TCF7L2: variants seen among roughly 807,000 people sequenced by gnomAD.
TCF7L2 encodes transcription factor 7-like 2.
Under a neutral mutation model 77.9 loss-of-function variants are expected in TCF7L2, and 23 were observed. That is an observed-to-expected ratio of 0.30 (90% CI 0.21 to 0.42). The LOEUF (loss-of-function observed/expected upper bound fraction) is 0.42, where lower values mean the gene tolerates loss of function less well. Ranked by LOEUF, TCF7L2 falls within the 10% of genes least tolerant of loss-of-function variation. The pLI is 1.00. For missense variants in TCF7L2, 654 were observed against 793.1 expected (o/e 0.82, Z 2.11); for synonymous variants, 413 against 340.2 (o/e 1.21, Z -2.36).
chr10:113,021,139 G>A (rs980460524), intron 4 of TCF7L2, among the ~76,000 whole-genome samples: 7 of 152,304 alleles, frequency 4.6e-5, no homozygotes, highest in Non-Finnish European at 1.0e-4. Flanking sequence ...GGCACAGTGA[G>A]ACAAACATGT....
At chr10:112,969,405 G>A (rs1307299677) in intron 4 of TCF7L2, among the ~76,000 whole-genome samples, 1 of 152,180 alleles carries the variant, frequency 6.6e-6, no homozygotes, top group Non-Finnish European at 1.5e-5. Flanking sequence ...TATTTGGAGT[G>A]CTTCCAGTTT....
intron 5 of TCF7L2, among the ~76,000 whole-genome samples, chr10:113,065,179 G>T (rs538456021): frequency 1.3e-5 from 2 of 152,352 alleles, no homozygotes; most frequent in East Asian, 3.9e-4. Flanking sequence ...ACCCAGTGCA[G>T]GCAAGGTGTT....
chr10:113,071,531 T>TC lies in TCF7L2; in HGVS notation c.552+31411dup, dbSNP rs138936796. Among the ~76,000 whole-genome samples the TC allele has an allele frequency of 3.9e-5, 6 of 151,938 alleles. No homozygotes were observed. In the South Asian group the frequency reaches 1.0e-3, roughly 26 times the overall value. ...TTTTCTCGTCTTTATTCTCACCCCG[T>TC]CCCCCCGCCACCTCTCTCCCCAAGT... On this transcript the variant is annotated intron_variant, in intron 5 of 13. Coordinates refer to ENST00000627217, the MANE Select transcript of TCF7L2 (RefSeq NM_001146274.2).
chr10:113,155,745 C>CT (rs1007212054), intron 11 of TCF7L2, among the ~76,000 whole-genome samples: 42 of 152,324 alleles, frequency 2.8e-4, no homozygotes, highest in African/African-American at 1.0e-3. Context: ...CTTCAGGCTC[C>CT]TAAATGAACC....
intron 5 of TCF7L2, among the ~76,000 whole-genome samples, chr10:113,076,295 G>T (rs967303949): frequency 6.6e-6 from 1 of 152,078 alleles, no homozygotes; most frequent in African/African-American, 2.4e-5. Flanking sequence ...GAATTACCAT[G>T]CCTGGCTAAC....
At chr10:113,028,523 A>G (rs1198149280) in intron 4 of TCF7L2, among the ~76,000 whole-genome samples, 1 of 152,106 alleles carries the variant, frequency 6.6e-6, no homozygotes, top group Non-Finnish European at 1.5e-5. Context: ...AGAGCCACTG[A>G]CCTCTTTCCA....
intron 5 of TCF7L2, among the ~76,000 whole-genome samples, chr10:113,091,226 A>T (rs555137352): frequency 3.9e-5 from 6 of 152,294 alleles, no homozygotes; most frequent in Non-Finnish European, 2.9e-5. Context: ...ATTTGGATAC[A>T]TTTCCACATT....
Position 112,951,464 on chromosome 10 carries a change from C to G in TCF7L2, c.257-19C>G, listed in dbSNP as rs367683520. Reference sequence around the variant, plus strand: ...CTCCGCGCGGCCGCCGCTGTCCCCTCGCCGCCCCGCCATGTTAGCGGCCAA... The same window carrying G: ...CTCCGCGCGGCCGCCGCTGTCCCCTGGCCGCCCCGCCATGTTAGCGGCCAA... On this transcript the variant is annotated intron_variant, in intron 2 of 13. Coordinates refer to ENST00000627217, the MANE Select transcript of TCF7L2 (RefSeq NM_001146274.2). 3.5e-6 allele frequency: 5 copies of G among 1,409,278 alleles called. No homozygotes were observed. In the African/African-American group the frequency reaches 6.1e-5, roughly 17 times the overall value. 87.3% of individuals were successfully genotyped at this position (1,409,278 alleles called of 1,614,324 possible). A position where few individuals can be genotyped will look rare whatever the true frequency, so the allele number is the denominator to read the frequency against.
chr10:113,064,731 C>T (rs758337971), intron 5 of TCF7L2, among the ~76,000 whole-genome samples: 2 of 152,198 alleles, frequency 1.3e-5, no homozygotes, highest in African/African-American at 2.4e-5. Context: ...AAAACTACCA[C>T]GGATGCTTCA....
At chr10:112,965,657 G>A (rs1256277608) in intron 4 of TCF7L2, among the ~76,000 whole-genome samples, 2 of 151,552 alleles carry the variant, frequency 1.3e-5, no homozygotes, top group African/African-American at 4.8e-5. Flanking sequence ...GTGTGTGTGT[G>A]TGTGTGTGTG....
intron 4 of TCF7L2, among the ~76,000 whole-genome samples, chr10:112,997,630 A>G (rs2043718549): frequency 6.6e-6 from 1 of 152,184 alleles, no homozygotes; most frequent in African/African-American, 2.4e-5. Flanking sequence ...GTGACCAGGG[A>G]CCTGAGGGGC....
chr10:113,112,197 A>G (rs1002831513), intron 5 of TCF7L2, among the ~76,000 whole-genome samples: 4 of 152,204 alleles, frequency 2.6e-5, no homozygotes, highest in Non-Finnish European at 5.9e-5. Context: ...GGCATGACAT[A>G]ATTCAATTTT....
intron 4 of TCF7L2, among the ~76,000 whole-genome samples, chr10:112,980,738 C>G (rs995600450): frequency 2.6e-5 from 4 of 152,112 alleles, no homozygotes; most frequent in African/African-American, 9.7e-5. Context: ...TGCCGTTCTC[C>G]TACCTCAGCC....
At chr10:112,993,420 C>T (rs1040041490) in intron 4 of TCF7L2, among the ~76,000 whole-genome samples, 1 of 151,866 alleles carries the variant, frequency 6.6e-6, no homozygotes, top group Non-Finnish European at 1.5e-5. Context: ...GCATGAGAAT[C>T]ACTGGAACCC....
intron 4 of TCF7L2, among the ~76,000 whole-genome samples, chr10:112,973,528 C>G (rs1044869349): frequency 6.6e-6 from 1 of 152,146 alleles, no homozygotes; most frequent in African/African-American, 2.4e-5. Context: ...CTGGATGATT[C>G]TAATGCACAC....
chr10:113,145,682 C>T (rs138407660), intron 7 of TCF7L2, among the ~76,000 whole-genome samples: 1 of 151,936 alleles, frequency 6.6e-6, no homozygotes, highest in Admixed American at 6.6e-5. Flanking sequence ...GATGTGTAGC[C>T]CTCAATTAGT....
At chr10:113,050,461 C>T (rs987744017) in intron 5 of TCF7L2, among the ~76,000 whole-genome samples, 2 of 152,128 alleles carry the variant, frequency 1.3e-5, no homozygotes, top group African/African-American at 4.8e-5. Context: ...CAAGAACACA[C>T]TAAGAGAAGT....
intron 5 of TCF7L2, among the ~76,000 whole-genome samples, chr10:113,118,104 G>A (rs750253235): frequency 1.8e-4 from 28 of 152,188 alleles, no homozygotes; most frequent in Non-Finnish European, 4.0e-4. Context: ...CAGCCCAGCA[G>A]ACGGGGTCGA....
chr10:112,984,797 G>A (rs903200793), intron 4 of TCF7L2, among the ~76,000 whole-genome samples: 4 of 152,192 alleles, frequency 2.6e-5, no homozygotes, highest in Admixed American at 6.5e-5. Flanking sequence ...GTCTTGGTTT[G>A]CTCATCTGTG....
Sources: gnomAD v4.1 joint callset for allele counts (sites outside exome capture counted in the v4.1 genomes callset) on GRCh38, gnomAD v4.1.1 for gene constraint, MANE v1.5 for transcripts, NCBI Gene and HGNC (gene_info 2026-07-23, HGNC 2026-07-21) for gene names.